Variants in RIMS2 observed in about 807,000 individuals in gnomAD.
RIMS2 encodes regulating synaptic membrane exocytosis protein 2.
A neutral mutation model predicts 174.4 loss-of-function variants in RIMS2; 59 were observed. The ratio of observed to expected loss-of-function variants is 0.34; its 90% CI spans 0.27 to 0.42. The LOEUF is 0.42. Among genes scored for constraint, RIMS2 ranks in the 10% least tolerant of loss-of-function variants. The pLI is 1.00. For synonymous variants in RIMS2, 606 were observed against 572.5 expected, an observed-to-expected ratio of 1.06 and a Z score of -0.84; for missense variants, 1,620 against 1,666.3, an observed-to-expected ratio of 0.97 and a Z score of 0.48.
At chr8:104,251,110 C>G (rs1420197977) in exon 23 of RIMS2, 1 of 1,613,436 alleles carries the variant, frequency 6.2e-7, no homozygotes, top group Admixed American at 1.7e-5. Flanking sequence ...GCTGGAACCC[C>G]TTTACCAGCA....
chr8:104,222,463 C>G (rs2511575), intron 19 of RIMS2, among the ~76,000 whole-genome samples: 5 of 151,996 alleles, frequency 3.3e-5, no homozygotes, highest in African/African-American at 7.3e-5. Flanking sequence ...CTATTACACA[C>G]GCCCAGTGAT....
chr8:103,815,850 T>C (rs1315967131), intron 3 of RIMS2, among the ~76,000 whole-genome samples: 1 of 152,186 alleles, frequency 6.6e-6, no homozygotes, highest in Non-Finnish European at 1.5e-5. Flanking sequence ...ATAAAATGCA[T>C]TGGTACACAT....
At chr8:103,642,968 A>C (rs2096259534) in intron 1 of RIMS2, among the ~76,000 whole-genome samples, 1 of 151,850 alleles carries the variant, frequency 6.6e-6, no homozygotes, top group Admixed American at 6.6e-5. Flanking sequence ...TAATTTTAGA[A>C]AATTTTCAGT....
chr8:104,011,240 G>A (rs1207031548), intron 17 of RIMS2, among the ~76,000 whole-genome samples: 40 of 152,112 alleles, frequency 2.6e-4, no homozygotes. Context: ...AGTTTAAAAT[G>A]TGGTAGCTTT....
chr8:103,819,715 G>A, intron 3 of RIMS2: 1 of 1,007,736 alleles, frequency 9.9e-7, no homozygotes, highest in Non-Finnish European at 1.5e-6. Flanking sequence ...TTGTATTGAA[G>A]TGCTAGTGTT....
At chr8:103,959,092 T>C (rs2088817817) in intron 14 of RIMS2, among the ~76,000 whole-genome samples, 2 of 152,182 alleles carry the variant, frequency 1.3e-5, no homozygotes, top group Admixed American at 6.5e-5. Flanking sequence ...GTCCTTGTCA[T>C]GAATCTCCAG....
intron 19 of RIMS2, among the ~76,000 whole-genome samples, chr8:104,231,676 A>C (rs1366363946): frequency 6.6e-6 from 1 of 152,190 alleles, no homozygotes; most frequent in Non-Finnish European, 1.5e-5. Flanking sequence ...ATTTGTATGT[A>C]AAGTGTACAT....
At chr8:104,095,726 G>A (rs1419680988) in intron 19 of RIMS2, among the ~76,000 whole-genome samples, 3 of 151,964 alleles carry the variant, frequency 2.0e-5, no homozygotes, top group Non-Finnish European at 4.4e-5. Context: ...ATTTGATTTT[G>A]TGTTAGTACA....
intron 3 of RIMS2, among the ~76,000 whole-genome samples, chr8:103,802,381 C>A (rs2098616770): frequency 1.3e-5 from 2 of 151,970 alleles, no homozygotes; most frequent in African/African-American, 4.8e-5. Context: ...AGTACATTGC[C>A]TCTAGTTGGG....
At chr8:103,516,446 T>G (rs899499807) in intron 1 of RIMS2, among the ~76,000 whole-genome samples, 1 of 152,146 alleles carries the variant, frequency 6.6e-6, no homozygotes, top group African/African-American at 2.4e-5. Flanking sequence ...ACATTATTTT[T>G]TATTTCTAAA....
chr8:103,836,565 CTAAATAAA>C (rs771866241), intron 3 of RIMS2, among the ~76,000 whole-genome samples: 1 of 151,956 alleles, frequency 6.6e-6, no homozygotes, highest in Non-Finnish European at 1.5e-5. Context: ...GACCCCATCT[CTAAATAAA>C]TAAATAAATA....
intron 1 of RIMS2, among the ~76,000 whole-genome samples, chr8:103,690,908 A>G (rs1045456120): frequency 1.3e-5 from 2 of 152,124 alleles, no homozygotes; most frequent in Non-Finnish European, 2.9e-5. Context: ...GAAATCCCTC[A>G]GCTTTTGTTT....
At chr8:104,127,712 T>C (rs1398869396) in intron 19 of RIMS2, among the ~76,000 whole-genome samples, 1 of 151,764 alleles carries the variant, frequency 6.6e-6, no homozygotes, top group Non-Finnish European at 1.5e-5. Context: ...TACCACATAG[T>C]AAACAGTGAT....
rs539791338 is a variant in RIMS2, at chr8:103,623,807, A to T, written c.177-73279A>T. Among the ~76,000 whole-genome samples the T allele has an allele frequency of 6.5e-3, 979 of 150,866 alleles. 12 individuals are homozygous for T. Among genetic ancestry groups the T allele is most frequent in the African/African-American group, 0.022 (911 of 41,150 alleles). ...CCCGGTCTCTTCATTTTTTTTTTTT[A>T]AAAAGGAAGGAACTAGAGGTCATCA... is the stretch of plus-strand genomic sequence containing the variant. On this transcript the variant is annotated intron_variant, in intron 1 of 23. Coordinates refer to ENST00000504942, the Ensembl canonical transcript of RIMS2.
chr8:103,691,378 T>C (rs1460925290), intron 1 of RIMS2, among the ~76,000 whole-genome samples: 3 of 152,178 alleles, frequency 2.0e-5, no homozygotes, highest in Non-Finnish European at 2.9e-5. Flanking sequence ...TTTCTTGTTC[T>C]TTTTTTCCTC....
At chr8:103,891,711 A>C (rs2099246908) in intron 4 of RIMS2, among the ~76,000 whole-genome samples, 1 of 152,100 alleles carries the variant, frequency 6.6e-6, no homozygotes, top group African/African-American at 2.4e-5. Context: ...TTAGTTTTCT[A>C]GCTATAAATT....
intron 1 of RIMS2, among the ~76,000 whole-genome samples, chr8:103,511,673 C>T (rs1348803080): frequency 1.3e-5 from 2 of 151,988 alleles, no homozygotes; most frequent in African/African-American, 4.8e-5. Flanking sequence ...GAAAGTAATC[C>T]AAGATTTTTC....
chr8:103,789,410 G>A (rs367995143), intron 3 of RIMS2, among the ~76,000 whole-genome samples: 144 of 152,160 alleles, frequency 9.5e-4, no homozygotes, highest in African/African-American at 3.2e-3. Context: ...TTTATCAGAC[G>A]CACCTAGGGC....
intron 1 of RIMS2, among the ~76,000 whole-genome samples, chr8:103,544,011 G>A (rs1420868182): frequency 6.6e-6 from 1 of 152,170 alleles, no homozygotes; most frequent in Non-Finnish European, 1.5e-5. Context: ...TACAGCAAAG[G>A]AAACAACAGA....
Sources: gnomAD v4.1 joint callset for allele counts (sites outside exome capture counted in the v4.1 genomes callset) on GRCh38, gnomAD v4.1.1 for gene constraint, MANE v1.5 for transcripts, NCBI Gene and HGNC (gene_info 2026-07-23, HGNC 2026-07-21) for gene names.